The following ENTPD5 variants were observed in gnomAD, a reference collection of about 807,000 sequenced individuals.
The protein encoded by ENTPD5 is nucleoside diphosphate phosphatase ENTPD5.
In ENTPD5, 49 loss-of-function variants were observed where a neutral mutation model predicts 60.2. The observed-to-expected ratio is 0.81, with a 90% confidence interval of 0.65 to 1.03. ENTPD5 has a LOEUF of 1.03. ENTPD5 is among the 50% of genes least tolerant of loss of function. The probability of loss-of-function intolerance (pLI) is 0.00; values close to 1 mark genes in which losing one functional copy is unlikely to be tolerated. For missense variants in ENTPD5, 480 were observed against 507.6 expected (o/e 0.95, Z 0.52); for synonymous variants, 187 against 185.4 (o/e 1.01, Z -0.07).
downstream of ENTPD5, chr14:73,955,522 CTT>C: frequency 6.2e-7 from 1 of 1,613,112 alleles, no homozygotes; most frequent in African/African-American, 1.3e-5. Context: ...GCCCCTTTAT[CTT>C]TTCAATTTTG....
chr14:73,970,156 G>C, intron 14 of ENTPD5, 31 bp from the exon 15 acceptor site: 1 of 1,483,476 alleles, frequency 6.7e-7, no homozygotes, highest in Non-Finnish European at 9.4e-7. Flanking sequence ...TGGAGCTCAA[G>C]TTTGCAACTA....
At chr14:73,980,644 C>G (rs2057647697) in intron 6 of ENTPD5, among the ~76,000 whole-genome samples, 1 of 152,164 alleles carries the variant, frequency 6.6e-6, no homozygotes, top group Admixed American at 6.5e-5. Flanking sequence ...AATCCTCCTG[C>G]TTTGGCCTCC....
chr14:73,997,905 G>C (rs573537917), intron 3 of ENTPD5, among the ~76,000 whole-genome samples: 1 of 152,218 alleles, frequency 6.6e-6, no homozygotes, highest in South Asian at 2.1e-4. Flanking sequence ...ATAGGGCAAG[G>C]AGTACCCCCT....
At chr14:73,981,393 G>A (rs1250767489) in intron 6 of ENTPD5, among the ~76,000 whole-genome samples, 2 of 151,810 alleles carry the variant, frequency 1.3e-5, no homozygotes, top group African/African-American at 4.8e-5. Flanking sequence ...CAACTACTCT[G>A]GAGGCTGTGG....
At chr14:73,967,150 C>G (rs1345116226) in intron 15 of ENTPD5, 136 bp from the exon 16 acceptor site, 10 of 675,650 alleles carry the variant, frequency 1.5e-5, no homozygotes, top group Non-Finnish European at 2.6e-5. Context: ...CCAGTCTTTG[C>G]AGGCTTCCCA....
chr14:73,986,980 T>C (rs2057927549), intron 4 of ENTPD5, 87 bp from the exon 5 acceptor site: 1 of 991,592 alleles, frequency 1.0e-6, no homozygotes. Flanking sequence ...CTCTGTAAGT[T>C]TTCCTATGAC....
chr14:74,009,567 A>C (rs1313715649), intron 3 of ENTPD5, among the ~76,000 whole-genome samples: 1 of 152,190 alleles, frequency 6.6e-6, no homozygotes, highest in African/African-American at 2.4e-5. Flanking sequence ...TCTTTCCCCC[A>C]CCAAATGTGG....
intron 3 of ENTPD5, among the ~76,000 whole-genome samples, chr14:73,989,043 C>T (rs1405826669): frequency 2.6e-5 from 4 of 151,330 alleles, no homozygotes; most frequent in Non-Finnish European, 4.4e-5. Flanking sequence ...AGGCTGGTCT[C>T]GAACTCCTGA....
In ENTPD5 at chr14:73,971,944, G is replaced by A. The variant is rs778768938; in HGVS notation, c.1028-36C>T. The A allele has an allele frequency of 1.8e-5, 23 of 1,281,220 alleles. No homozygotes were observed. The East Asian group carries it at 2.1e-4, about 12-fold the overall frequency. 79.4% of individuals were successfully genotyped at this position (1,281,220 alleles called of 1,614,324 possible). ...ACAGAAGATTATCTGATATCAAAAC[G>A]CCTTCAAGGAAGCATAAGGAAATTC... On this transcript the variant is annotated intron_variant, in intron 13 of 15. Transcript: ENST00000334696.
chr14:73,993,197 C>A (rs1203448779), intron 3 of ENTPD5, among the ~76,000 whole-genome samples: 2 of 151,982 alleles, frequency 1.3e-5, no homozygotes, highest in East Asian at 3.9e-4. Context: ...ATTAGTTGGA[C>A]GTGGTGGCAT....
chr14:73,975,229 G>C (rs184994164), intron 10 of ENTPD5, among the ~76,000 whole-genome samples: 105 of 152,094 alleles, frequency 6.9e-4, no homozygotes, highest in African/African-American at 2.4e-3. Flanking sequence ...AATTCCTAGG[G>C]TCCCACACTA....
downstream of ENTPD5, chr14:73,956,053 G>C (rs188688808): frequency 7.1e-6 from 10 of 1,404,422 alleles, no homozygotes; most frequent in African/African-American, 5.6e-5. Context: ...GGCCGGGTGC[G>C]GTGGCTCACG....
chr14:73,973,997 C>G lies in ENTPD5; in HGVS notation c.785-19G>C, dbSNP rs1566716295. 2 of 1,607,688 alleles carry G rather than the reference C, an allele frequency of 1.2e-6. No homozygotes were observed. The highest frequency in any genetic ancestry group is 1.7e-6 in the Non-Finnish European group (2 of 1,174,290). On this transcript the variant is annotated intron_variant, in intron 11 of 15. Coordinates refer to ENST00000334696, the MANE Select transcript of ENTPD5 (RefSeq NM_001249.5). ...TCAGTCCCTGAAAGAATCCAGGGCA[C>G]AAGGTAAGAGGTAAGTAAGTGAGAG...
chr14:73,961,396 G>A (rs373009662), downstream of ENTPD5: 10 of 1,614,018 alleles, frequency 6.2e-6, no homozygotes, highest in African/African-American at 1.2e-4. Flanking sequence ...AACAGAGCAG[G>A]GCCACTCCCT....
chr14:73,977,960 C>T (rs2057513308), intron 6 of ENTPD5, among the ~76,000 whole-genome samples: 1 of 152,158 alleles, frequency 6.6e-6, no homozygotes, highest in African/African-American at 2.4e-5. Flanking sequence ...ATAATACAGA[C>T]CATTGATATG....
chr14:74,008,672 G>A (rs2058753658), intron 3 of ENTPD5, among the ~76,000 whole-genome samples: 1 of 152,116 alleles, frequency 6.6e-6, no homozygotes, highest in African/African-American at 2.4e-5. Context: ...TGGGATTACA[G>A]GCATGAGCCA....
chr14:73,998,065 G>A (rs1321996286), intron 3 of ENTPD5, among the ~76,000 whole-genome samples: 2 of 152,056 alleles, frequency 1.3e-5, no homozygotes, highest in African/African-American at 2.4e-5. Flanking sequence ...AATGAGGGTC[G>A]TGACCAACTC....
intron 3 of ENTPD5, among the ~76,000 whole-genome samples, chr14:73,999,339 T>C (rs982723248): frequency 3.3e-5 from 5 of 151,072 alleles, no homozygotes; most frequent in Non-Finnish European, 1.5e-5. Context: ...AATACAAAAA[T>C]TAGCCAGGTG....
chr14:74,004,689 T>C (rs10400727), intron 3 of ENTPD5, among the ~76,000 whole-genome samples: 25,420 of 135,612 alleles, frequency 0.19, 2,237 homozygotes, highest in African/African-American at 0.24. Context: ...AGATCCTCCA[T>C]AGGGCTGCTT....
Sources: gnomAD v4.1 joint callset for allele counts (sites outside exome capture counted in the v4.1 genomes callset) on GRCh38, gnomAD v4.1.1 for gene constraint, MANE v1.5 for transcripts, NCBI Gene and HGNC (gene_info 2026-07-23, HGNC 2026-07-21) for gene names.